MOGAT2: variants seen among roughly 807,000 people sequenced by gnomAD.
The protein encoded by MOGAT2 is 2-acylglycerol O-acyltransferase 2.
In MOGAT2, 27 loss-of-function variants were observed where a neutral mutation model predicts 31.5. The ratio of observed to expected loss-of-function variants is 0.86; its 90% CI spans 0.63 to 1.18. The LOEUF is 1.18. Among genes scored for constraint, MOGAT2 ranks in the 50% most tolerant of loss-of-function variants. The pLI is 0.00. For synonymous variants in MOGAT2, 163 were observed against 170.0 expected (o/e 0.96, Z 0.32); for missense variants, 436 against 433.2 (o/e 1.01, Z -0.06).
chr11:75,725,051 T>C (rs1944409369), intron 2 of MOGAT2, among the ~76,000 whole-genome samples: 1 of 152,236 alleles, frequency 6.6e-6, no homozygotes, highest in African/African-American at 2.4e-5. Flanking sequence ...ATAACCTTGT[T>C]CAGGTGTCAT....
At chr11:75,730,128 C>A (rs116502455) in intron 5 of MOGAT2, among the ~76,000 whole-genome samples, 1 of 152,224 alleles carries the variant, frequency 6.6e-6, no homozygotes, top group Non-Finnish European at 1.5e-5. Flanking sequence ...TAAACCCCTA[C>A]ATCATGAACT....
intron 2 of MOGAT2, among the ~76,000 whole-genome samples, chr11:75,724,461 C>T (rs1159318513): frequency 6.6e-6 from 1 of 152,050 alleles, no homozygotes; most frequent in East Asian, 1.9e-4. Flanking sequence ...TGTGGGAGGG[C>T]CTGTGTCTAG....
At chr11:75,718,392 A>C (rs903790068) in intron 1 of MOGAT2, among the ~76,000 whole-genome samples, 2 of 152,112 alleles carry the variant, frequency 1.3e-5, no homozygotes, top group Non-Finnish European at 2.9e-5. Context: ...TAGTAGGGTA[A>C]GTGAGAGAAA....
intron 5 of MOGAT2, among the ~76,000 whole-genome samples, chr11:75,730,520 T>C (rs1944466406): frequency 6.6e-6 from 1 of 152,196 alleles, no homozygotes; most frequent in Non-Finnish European, 1.5e-5. Context: ...TGAGCCTCAT[T>C]GACTCATCTG....
At chr11:75,725,677 T>C (rs1944416513) in intron 2 of MOGAT2, among the ~76,000 whole-genome samples, 1 of 152,234 alleles carries the variant, frequency 6.6e-6, no homozygotes, top group South Asian at 2.1e-4. Flanking sequence ...GTCTCCAGTC[T>C]GCTCTGAGAG....
chr11:75,719,806 G>T, intron 1 of MOGAT2, 186 bp from the exon 2 acceptor site: 1 of 599,576 alleles, frequency 1.7e-6, no homozygotes, highest in Non-Finnish European at 2.9e-6. Context: ...TGGGCTGGCC[G>T]TAGTCCCTCT....
At chr11:75,728,363 T>C in intron 4 of MOGAT2, 1 of 682,796 alleles carries the variant, frequency 1.5e-6, no homozygotes, top group South Asian at 1.5e-5. Context: ...GCAATGAACA[T>C]ATTCCACAAA....
rs543037592 is a variant in MOGAT2 at position 75,729,740 on chromosome 11, C to CTTTTTT, written c.850+758_850+763dup. Among the ~76,000 whole-genome samples the CTTTTTT allele has an allele frequency of 1.2e-4, 14 of 121,408 alleles. 3 individuals carry two copies. The highest frequency in any genetic ancestry group is 9.2e-5 in the Admixed American group (1 of 10,928). 79.6% of individuals were successfully genotyped at this position (121,408 alleles called of 152,430 possible). ...AATGCCAGAGAAGGAGGGTTTAATT[C>CTTTTTT]TTTTTTTTTTTTGTTTTTTTTTGAG... On this transcript the variant is annotated intron_variant, in intron 5 of 5. Transcript: ENST00000198801.
intron 2 of MOGAT2, 93 bp from the exon 3 acceptor site, chr11:75,727,342 G>A: frequency 2.5e-6 from 3 of 1,206,612 alleles, no homozygotes; most frequent in East Asian, 2.4e-5. Flanking sequence ...TGGAGGCTCA[G>A]AGGGGAGGTT....
chr11:75,718,417 A>G (rs2135729506), intron 1 of MOGAT2, among the ~76,000 whole-genome samples: 2 of 152,146 alleles, frequency 1.3e-5, no homozygotes, highest in African/African-American at 4.8e-5. Context: ...GAAAGAAAAG[A>G]AGGGTGGGGA....
Position 75,729,092 on chromosome 11 carries a change from G to A in MOGAT2, c.850+103G>A, listed in dbSNP as rs1448284296. ...GAGCCAGATTTATTCCTGCCCTAAT[G>A]GGGCTCACATTCTAGACTGGGAAAC... On this transcript the variant is annotated intron_variant, in intron 5 of 5. Coordinates refer to ENST00000198801, the MANE Select transcript of MOGAT2 (RefSeq NM_025098.4). The A allele has an allele frequency of 1.9e-5, 20 of 1,067,326 alleles. No individual in the cohort carries two copies. In the East Asian group the frequency reaches 4.4e-4, roughly 23 times the overall value. 66.1% of individuals were successfully genotyped at this position (1,067,326 alleles called of 1,614,324 possible).
In MOGAT2 at chr11:75,732,531, G is replaced by C. The variant is rs981364950; in HGVS notation, c.*1245G>C. ...GCCGTTTGCCACTCTCCAGCATCTGGCCCAGCCTGTCCATCCTCATCTCTC... is the reference window on the plus strand; with the variant it reads ...GCCGTTTGCCACTCTCCAGCATCTGCCCCAGCCTGTCCATCCTCATCTCTC... On this transcript the variant is annotated 3_prime_UTR_variant, in exon 6 of 6. Coordinates refer to ENST00000198801, the MANE Select transcript of MOGAT2 (RefSeq NM_025098.4). 1 of 152,346 alleles carries C rather than the reference G, an allele frequency of 6.6e-6. No homozygotes were observed. The highest frequency in any genetic ancestry group is 1.9e-4 in the East Asian group (1 of 5,186). The allele number at this position is 152,346 out of a possible 1,614,324, so 9.4% of individuals were successfully genotyped here. A position where few individuals can be genotyped will look rare whatever the true frequency, so the allele number is the denominator to read the frequency against.
At chr11:75,719,477 A>G (rs569051311) in intron 1 of MOGAT2, 1 of 154,306 alleles carries the variant, frequency 6.5e-6, no homozygotes, top group Non-Finnish European at 1.4e-5. Context: ...ACTGTGCCCA[A>G]AGTTATGGGG....
At chr11:75,722,277 G>A (rs1944382737) in intron 2 of MOGAT2, among the ~76,000 whole-genome samples, 1 of 151,948 alleles carries the variant, frequency 6.6e-6, no homozygotes, top group Non-Finnish European at 1.5e-5. Flanking sequence ...TCCCTTTCCT[G>A]CCTCTCCTCT....
rs373153487 is a variant in MOGAT2 at position 75,731,562 on chromosome 11, A to G, written c.*276A>G. 9.8e-6 allele frequency: 3 copies of G among 306,264 alleles called. No individual in the cohort carries two copies. In the South Asian group the frequency reaches 1.8e-4, roughly 19 times the overall value. 19.0% of individuals were successfully genotyped at this position (306,264 alleles called of 1,614,324 possible). ...TATATTGAGTGGTCTGTTAACATTC[A>G]TTGGTGGCTGATTCCAAAAGATGAG... On this transcript the variant is annotated 3_prime_UTR_variant, in exon 6 of 6. Transcript: ENST00000198801.
Position 75,728,865 on chromosome 11 carries a change from G to A in MOGAT2, c.726G>A (p.Trp242Ter). The stretch of plus-strand genomic sequence containing the variant: ...AGATTCCCAACTCTTCTGGCTCCTG[G>A]TTACGCTATATCCAGAATCGGTTGC... ...FDQIPNSSGS[W>*]LRYIQNRLQK... The change falls in exon 5 of 6, where the codon TGG (tryptophan) becomes TGA (stop). Residue 242 changes from tryptophan (W) to a stop codon, truncating the protein, a stop_gained. Transcript: ENST00000198801. LOFTEE classifies it high-confidence loss of function. 3 of 1,614,170 alleles carry A rather than the reference G, an allele frequency of 1.9e-6. No homozygotes were observed. The South Asian group carries it at 3.3e-5, about 18-fold the overall frequency.
At chr11:75,724,605 T>G (rs1944404444) in intron 2 of MOGAT2, among the ~76,000 whole-genome samples, 1 of 151,554 alleles carries the variant, frequency 6.6e-6, no homozygotes, top group Non-Finnish European at 1.5e-5. Context: ...GAGGTTGCAG[T>G]GAGCTGAGAT....
At chr11:75,730,525 C>T (rs114989624) in intron 5 of MOGAT2, among the ~76,000 whole-genome samples, 152 of 152,328 alleles carry the variant, frequency 1.0e-3, no homozygotes, top group African/African-American at 3.5e-3. Context: ...CTCATTGACT[C>T]ATCTGTCAAA....
At position 75,728,101 on chromosome 11, in the gene MOGAT2, C is replaced by T; in HGVS notation, c.607C>T (p.Leu203=). 6.2e-7 allele frequency: 1 copy of T among 1,614,142 alleles called. No individual in the cohort carries two copies. Among genetic ancestry groups the T allele is most frequent in the Non-Finnish European group, 8.5e-7 (1 of 1,180,010 alleles). ...DARPGSFTLL[L]RNRKGFVRLA... is the part of the protein sequence containing the mutation. ...CAGGCCTGGATCCTTCACGCTGTTA[C>T]TGCGGAACCGAAAGGGCTTCGTCAG... Residue 203 remains leucine, a synonymous_variant, in exon 4 of 6, where the codon CTG becomes TTG. Coordinates refer to ENST00000198801, the MANE Select transcript of MOGAT2 (RefSeq NM_025098.4).
Sources: gnomAD v4.1 joint callset for allele counts (sites outside exome capture counted in the v4.1 genomes callset) on GRCh38, gnomAD v4.1.1 for gene constraint, MANE v1.5 for transcripts, NCBI Gene and HGNC (gene_info 2026-07-23, HGNC 2026-07-21) for gene names.